Variants in LRRC4C observed in about 807,000 individuals in gnomAD.
The protein encoded by LRRC4C is leucine-rich repeat-containing protein 4C.
LRRC4C carries 5 observed loss-of-function variants against 33.6 expected under a neutral mutation model. That is an observed-to-expected ratio of 0.15 (90% CI 0.08 to 0.31). LRRC4C has a LOEUF of 0.31. LRRC4C is among the 10% of genes least tolerant of loss of function. The probability of loss-of-function intolerance (pLI) is 1.00; values close to 1 mark genes in which losing one functional copy is unlikely to be tolerated. For missense variants in LRRC4C, 560 were observed against 796.7 expected, an observed-to-expected ratio of 0.70 and a Z score of 3.58; for synonymous variants, 329 against 302.0, an observed-to-expected ratio of 1.09 and a Z score of -0.93.
At chr11:40,559,597 G>T (rs753908256) in intron 3 of LRRC4C, among the ~76,000 whole-genome samples, 1 of 152,108 alleles carries the variant, frequency 6.6e-6, no homozygotes, top group Non-Finnish European at 1.5e-5. Flanking sequence ...TCACCAAACG[G>T]CTTTCCACAA....
chr11:40,143,343 C>T (rs577178661), intron 5 of LRRC4C, among the ~76,000 whole-genome samples: 4 of 152,322 alleles, frequency 2.6e-5, no homozygotes, highest in African/African-American at 9.6e-5. Context: ...TCTCGCAACA[C>T]TCAGAGTAAT....
chr11:41,212,344 A>G (rs1032062885), intron 1 of LRRC4C, among the ~76,000 whole-genome samples: 7 of 152,264 alleles, frequency 4.6e-5, no homozygotes, highest in Non-Finnish European at 7.3e-5. Flanking sequence ...AACAAAAGGT[A>G]AAGCTGAATA....
intron 1 of LRRC4C, among the ~76,000 whole-genome samples, chr11:41,241,109 A>C (rs1020023964): frequency 6.6e-6 from 1 of 152,144 alleles, no homozygotes; most frequent in African/African-American, 2.4e-5. Flanking sequence ...TAGTGGTGAG[A>C]CCAACTACCT....
chr11:40,982,674 A>G (rs369846833), intron 1 of LRRC4C, among the ~76,000 whole-genome samples: 1 of 151,992 alleles, frequency 6.6e-6, no homozygotes, highest in African/African-American at 2.4e-5. Context: ...TTAAACCTTC[A>G]TTATAACTTA....
In LRRC4C at chr11:41,174,260, T is replaced by C. The variant is rs576912576; in HGVS notation, c.-495-240537A>G. Among the ~76,000 whole-genome samples the C allele has an allele frequency of 4.0e-3, 611 of 152,216 alleles. 2 individuals are homozygous for C. Among genetic ancestry groups the C allele is most frequent in the Non-Finnish European group, 6.5e-3 (442 of 67,972 alleles). ...GAATAAGCTTATCACTTAAGGTCCC[T>C]AAAAAATAATTAAATGGAGAGAACA... On this transcript the variant is annotated intron_variant, in intron 1 of 6. Transcript: ENST00000528697.
intron 2 of LRRC4C, among the ~76,000 whole-genome samples, chr11:40,763,748 A>AG (rs895442501): frequency 1.9e-4 from 29 of 152,270 alleles, no homozygotes; most frequent in African/African-American, 6.0e-4. Context: ...CCAGAGCTCA[A>AG]GGGGGGAGCA....
chr11:41,272,063 ACT>A (rs1478588952), intron 1 of LRRC4C, among the ~76,000 whole-genome samples: 1 of 152,128 alleles, frequency 6.6e-6, no homozygotes, highest in Non-Finnish European at 1.5e-5. Flanking sequence ...CTTTCAAATA[ACT>A]CTATCCCACA....
chr11:40,798,648 T>G (rs1950922706), intron 2 of LRRC4C, among the ~76,000 whole-genome samples: 1 of 148,986 alleles, frequency 6.7e-6, no homozygotes, highest in Non-Finnish European at 1.5e-5. Context: ...TTTCTTTCTT[T>G]TTTTTTTTTT....
At chr11:41,114,771 T>C (rs989878330) in intron 1 of LRRC4C, among the ~76,000 whole-genome samples, 1 of 152,126 alleles carries the variant, frequency 6.6e-6, no homozygotes, top group African/African-American at 2.4e-5. Context: ...TAAAACTTAG[T>C]TCAGCTACGT....
intron 1 of LRRC4C, among the ~76,000 whole-genome samples, chr11:40,974,765 T>C (rs930939013): frequency 6.6e-6 from 1 of 152,154 alleles, no homozygotes; most frequent in Non-Finnish European, 1.5e-5. Context: ...GGATATCAAA[T>C]TGGCTGGGGT....
intron 2 of LRRC4C, among the ~76,000 whole-genome samples, chr11:40,794,429 G>A (rs1304703159): frequency 6.8e-6 from 1 of 146,296 alleles, no homozygotes; most frequent in African/African-American, 2.5e-5. Flanking sequence ...GAGGATAAAG[G>A]AATGCTCAGA....
intron 2 of LRRC4C, among the ~76,000 whole-genome samples, chr11:40,656,023 A>G (rs1180408169): frequency 7.2e-5 from 11 of 152,126 alleles, no homozygotes; most frequent in Admixed American, 6.5e-4. Context: ...ATCCACACCC[A>G]TGATCAAATC....
At chr11:40,161,938 G>A (rs2927210) in intron 5 of LRRC4C, among the ~76,000 whole-genome samples, 3,310 of 152,218 alleles carry the variant, frequency 0.022, 118 homozygotes, top group African/African-American at 0.076. Context: ...CACAATTCCT[G>A]AGTCTGGGTA....
chr11:40,486,302 G>T (rs915155145), intron 3 of LRRC4C, among the ~76,000 whole-genome samples: 1 of 151,786 alleles, frequency 6.6e-6, no homozygotes, highest in Non-Finnish European at 1.5e-5. Context: ...CAAGCCTTTA[G>T]TCCAAACTTA....
chr11:40,741,972 C>T (rs1948177089), intron 2 of LRRC4C, among the ~76,000 whole-genome samples: 1 of 152,000 alleles, frequency 6.6e-6, no homozygotes, highest in Non-Finnish European at 1.5e-5. Context: ...ATTTCATCTG[C>T]TCTTGTTACT....
intron 1 of LRRC4C, among the ~76,000 whole-genome samples, chr11:41,188,979 A>G (rs1945827482): frequency 6.7e-6 from 1 of 148,620 alleles, no homozygotes; most frequent in Non-Finnish European, 1.5e-5. Context: ...AATAAAAATT[A>G]TAACCCACGA....
intron 1 of LRRC4C, among the ~76,000 whole-genome samples, chr11:40,968,287 A>G (rs577111181): frequency 1.3e-5 from 2 of 152,270 alleles, no homozygotes; most frequent in African/African-American, 4.8e-5. Flanking sequence ...ATAGGAAGCT[A>G]GCAGAGGTTG....
At chr11:40,904,897 A>G (rs1347183450) in intron 2 of LRRC4C, among the ~76,000 whole-genome samples, 2 of 152,186 alleles carry the variant, frequency 1.3e-5, no homozygotes, top group Admixed American at 1.3e-4. Flanking sequence ...CGATGTTCAA[A>G]GGATGAAGCC....
chr11:40,873,858 G>A (rs1215122139), intron 2 of LRRC4C, among the ~76,000 whole-genome samples: 1 of 152,000 alleles, frequency 6.6e-6, no homozygotes, highest in African/African-American at 2.4e-5. Flanking sequence ...CATCTTCCAT[G>A]TTTCATGTTT....
Sources: gnomAD v4.1 joint callset for allele counts (sites outside exome capture counted in the v4.1 genomes callset) on GRCh38, gnomAD v4.1.1 for gene constraint, MANE v1.5 for transcripts, NCBI Gene and HGNC (gene_info 2026-07-23, HGNC 2026-07-21) for gene names.